Variants in MAF observed in about 807,000 individuals in gnomAD.
The protein encoded by MAF is transcription factor Maf.
In MAF, 10 loss-of-function variants were observed where a neutral mutation model predicts 22.0. The observed-to-expected ratio is 0.45, with a 90% confidence interval of 0.28 to 0.77. MAF has a LOEUF of 0.77. Ranked by LOEUF, MAF falls within the 30% of genes least tolerant of loss-of-function variation. MAF has a pLI of 0.12. For missense variants in MAF, 544 were observed against 548.4 expected, an observed-to-expected ratio of 0.99 and a Z score of 0.08; for synonymous variants, 337 against 255.8, an observed-to-expected ratio of 1.32 and a Z score of -3.03.
At chr16:79,598,583 T>G (rs776782087) in intron 1 of MAF, 404 of 587,582 alleles carry the variant, frequency 6.9e-4, no homozygotes, top group African/African-American at 4.8e-3. Context: ...GGGTGTGGGG[T>G]GTGTGTGTGT....
the MAF span, among the ~76,000 whole-genome samples, chr16:79,518,611 C>T: frequency 6.6e-6 from 1 of 152,208 alleles, no homozygotes; most frequent in Non-Finnish European, 1.5e-5. Context: ...GTTTCCACAT[C>T]TGTGAAATGC....
chr16:79,474,384 A>G, the MAF span, among the ~76,000 whole-genome samples: 1 of 152,174 alleles, frequency 6.6e-6, no homozygotes, highest in African/African-American at 2.4e-5. Context: ...TCTATCCCTC[A>G]TATGTATTAA....
At chr16:79,384,788 G>C in the MAF span, among the ~76,000 whole-genome samples, 2 of 152,112 alleles carry the variant, frequency 1.3e-5, no homozygotes, top group African/African-American at 4.8e-5. Context: ...AATTAAAAAA[G>C]GGGGAGCATG....
the MAF span, among the ~76,000 whole-genome samples, chr16:79,557,753 G>A: frequency 1.3e-5 from 2 of 152,048 alleles, no homozygotes. Flanking sequence ...CAACTCATAT[G>A]TGTTAAGTGC....
chr16:79,403,897 G>T, the MAF span, among the ~76,000 whole-genome samples: 30 of 152,296 alleles, frequency 2.0e-4, no homozygotes, highest in Admixed American at 1.0e-3. Flanking sequence ...TGGGGAGGGC[G>T]AGAGGCATGT....
the MAF span, among the ~76,000 whole-genome samples, chr16:79,241,885 T>C: frequency 6.6e-6 from 1 of 152,010 alleles, no homozygotes; most frequent in African/African-American, 2.4e-5. Flanking sequence ...TGGGGGCCAA[T>C]ATTCAACACT....
At chr16:79,519,006 GCTC>G in the MAF span, among the ~76,000 whole-genome samples, 6 of 152,108 alleles carry the variant, frequency 3.9e-5, no homozygotes, top group African/African-American at 9.7e-5. Flanking sequence ...AGAACTATAA[GCTC>G]CTAGGAATGG....
the MAF span, among the ~76,000 whole-genome samples, chr16:79,216,831 A>C: frequency 2.2e-4 from 32 of 144,612 alleles, no homozygotes; most frequent in African/African-American, 8.0e-4. Context: ...TTTTTTTGAG[A>C]TGGAGTCTCG....
chr16:79,319,142 G>C, the MAF span, among the ~76,000 whole-genome samples: 2 of 152,122 alleles, frequency 1.3e-5, no homozygotes, highest in African/African-American at 2.4e-5. Flanking sequence ...TATCCAGGCA[G>C]AGAACTCTGG....
the MAF span, chr16:79,212,970 A>G: frequency 2.0e-5 from 3 of 152,198 alleles, no homozygotes; most frequent in African/African-American, 7.2e-5. Context: ...GTTATTACTT[A>G]CTTACAGTGA....
chr16:79,284,664 G>A, the MAF span, among the ~76,000 whole-genome samples: 2 of 152,150 alleles, frequency 1.3e-5, no homozygotes, highest in African/African-American at 2.4e-5. Context: ...AGAAAGGTTG[G>A]GAAGTTGTTT....
chr16:79,301,419 AT>A, the MAF span, among the ~76,000 whole-genome samples: 17 of 152,166 alleles, frequency 1.1e-4, no homozygotes, highest in Non-Finnish European at 1.3e-4. Context: ...AAGGAAGTGC[AT>A]TTTTTCCCCC....
At chr16:79,341,056 C>CTT in the MAF span, among the ~76,000 whole-genome samples, 9,749 of 152,170 alleles carry the variant, frequency 0.064, 601 homozygotes, top group East Asian at 0.27. Flanking sequence ...CCAAGGCCTG[C>CTT]AGCATGGAAG....
At chr16:79,536,914 G>T in the MAF span, among the ~76,000 whole-genome samples, 3 of 152,158 alleles carry the variant, frequency 2.0e-5, no homozygotes, top group African/African-American at 4.8e-5. Flanking sequence ...TGGGAGGGGG[G>T]TCCAGGAACC....
At chr16:79,273,880 G>A in the MAF span, among the ~76,000 whole-genome samples, 1 of 151,466 alleles carries the variant, frequency 6.6e-6, no homozygotes, top group South Asian at 2.1e-4. Context: ...ATCTTTGAGG[G>A]ACTAGTATTC....
At chr16:79,285,801 C>G in the MAF span, among the ~76,000 whole-genome samples, 1 of 152,172 alleles carries the variant, frequency 6.6e-6, no homozygotes, top group African/African-American at 2.4e-5. Context: ...GTGACCAGCG[C>G]ACACTGAGGT....
At chr16:79,406,647 G>A in the MAF span, among the ~76,000 whole-genome samples, 1 of 152,290 alleles carries the variant, frequency 6.6e-6, no homozygotes, top group East Asian at 1.9e-4. Flanking sequence ...TGGGGGATAG[G>A]ATTTCAACAT....
At chr16:79,252,342 T>A in the MAF span, among the ~76,000 whole-genome samples, 1 of 145,756 alleles carries the variant, frequency 6.9e-6, no homozygotes, top group African/African-American at 2.5e-5. Context: ...GAATTTCATA[T>A]ACTTTTTGTG....
At chr16:79,402,999 G>C in the MAF span, among the ~76,000 whole-genome samples, 11 of 152,172 alleles carry the variant, frequency 7.2e-5, no homozygotes, top group African/African-American at 2.7e-4. Flanking sequence ...AGAGGGGCTG[G>C]GCCCTGGTTG....
Sources: allele counts gnomAD v4.1 joint callset (sites outside exome capture counted in the v4.1 genomes callset), GRCh38; gene constraint gnomAD v4.1.1; transcripts MANE v1.5; gene names NCBI Gene and HGNC (gene_info 2026-07-23, HGNC 2026-07-21).